PLCH2: variants seen among roughly 807,000 people sequenced by gnomAD.
The protein encoded by PLCH2 is phospholipase C eta 2.
Under a neutral mutation model 134.7 loss-of-function variants are expected in PLCH2, and 98 were observed. The observed-to-expected ratio is 0.73, with a 90% CI of 0.62 to 0.86. The LOEUF (loss-of-function observed/expected upper bound fraction) is 0.86, where lower values mean the gene tolerates loss of function less well. Among genes scored for constraint, PLCH2 ranks in the 40% least tolerant of loss-of-function variants. The probability of loss-of-function intolerance (pLI) is 0.00; values close to 1 mark genes in which losing one functional copy is unlikely to be tolerated. For missense variants in PLCH2, 1,994 were observed against 1,986.6 expected (o/e 1.00, Z -0.07); for synonymous variants, 974 against 827.5 (o/e 1.18, Z -3.04).
rs747385564 is a variant in PLCH2, at chr1:2,479,878, G to C, written c.416G>C (p.Ser139Thr). 1.2e-6 allele frequency: 2 copies of C among 1,611,874 alleles called. No homozygotes were observed. The highest frequency in any genetic ancestry group is 4.5e-5 in the East Asian group (2 of 44,872). The change falls in exon 3 of 22, where the codon AGC becomes ACC. Residue 139 changes from serine to threonine, a missense_variant. Around this residue, in one of 2 missense-constraint regions of PLCH2, gnomAD observed 1,094 missense variants for 1,234.3 expected, o/e 0.89. Transcript: ENST00000378486. ...HRESLDLVST[S>T]SEVARTWVTG... ...GAGTCGCTGGACCTGGTCTCCACCA[G>C]CAGCGAGGTGGCGCGCACCTGGGTC...
chr1:2,505,294 C>A lies in PLCH2; in HGVS notation c.*81C>A. 1 of 1,131,888 alleles carries A rather than the reference C, an allele frequency of 8.8e-7. No individual in the cohort carries two copies. Among genetic ancestry groups the A allele is most frequent in the Non-Finnish European group, 1.2e-6 (1 of 807,638 alleles). The allele number at this position is 1,131,888 out of a possible 1,614,324, so 70.1% of individuals were successfully genotyped here. Reference sequence around the variant, plus strand: ...TTGTTTGCTCAGGAAACAGGGCAGCCAGGCCCCCAAAACTGTGTCCCCCTG... The same window carrying A: ...TTGTTTGCTCAGGAAACAGGGCAGCAAGGCCCCCAAAACTGTGTCCCCCTG... On this transcript the variant is annotated 3_prime_UTR_variant, in exon 22 of 22. Transcript: ENST00000378486.
intron 19 of PLCH2, 147 bp downstream of exon 19, chr1:2,499,377 G>C (rs1643084527): frequency 3.7e-6 from 4 of 1,068,432 alleles, no homozygotes; most frequent in African/African-American, 1.6e-5. Context: ...AGGAGAGCCA[G>C]CCTGGGGATC....
chr1:2,489,457 G>GGGGCATCATGCCATCCAT (rs1405211053), intron 9 of PLCH2, 79 bp downstream of exon 9: 1 of 1,466,036 alleles, frequency 6.8e-7, no homozygotes, highest in African/African-American at 1.4e-5. Context: ...CAGACAGGCA[G>GGGGCATCATGCCATCCAT]GGGCATCATG....
intron 2 of PLCH2, among the ~76,000 whole-genome samples, chr1:2,450,315 C>T (rs1288206475): frequency 7.9e-5 from 12 of 152,130 alleles, no homozygotes; most frequent in Admixed American, 1.3e-4. Flanking sequence ...CACAGGCGGC[C>T]GGTCCTCTGG....
At chr1:2,453,238 C>T (rs576453287) in intron 2 of PLCH2, among the ~76,000 whole-genome samples, 14 of 152,278 alleles carry the variant, frequency 9.2e-5, no homozygotes, top group African/African-American at 2.6e-4. Flanking sequence ...CCACTGTGCT[C>T]GAGATGTGGT....
chr1:2,419,320 C>T, the PLCH2 span, among the ~76,000 whole-genome samples: 1 of 152,250 alleles, frequency 6.6e-6, no homozygotes, highest in African/African-American at 2.4e-5. Flanking sequence ...TCCCTCAGCA[C>T]CCCTGGCTCA....
At position 2,504,062 on chromosome 1, in the gene PLCH2, C is replaced by A. The variant is rs767479649; in HGVS notation, c.3100C>A (p.Pro1034Thr). The A allele has an allele frequency of 9.4e-5, 145 of 1,548,340 alleles. No homozygotes were observed. Among genetic ancestry groups the A allele is most frequent in the Non-Finnish European group, 1.2e-4 (133 of 1,146,300 alleles). ...TSSSQGRPPY[P>T]TGPGANVASP... ...CTCTTCTCAGGGACGGCCCCCATACCCCACAGGACCCGGAGCCAATGTGGC... is the reference window on the plus strand; with the variant it reads ...CTCTTCTCAGGGACGGCCCCCATACACCACAGGACCCGGAGCCAATGTGGC... The change falls in exon 22 of 22, where the codon CCC (proline) becomes ACC (threonine). Residue 1034 changes from proline to threonine, a missense_variant. Physicochemically the swap from Pro to Thr is conservative, Grantham distance 38. Around this residue, in one of 2 missense-constraint regions of PLCH2, gnomAD observed 900 missense variants for 752.3 expected, o/e 1.20. Coordinates refer to ENST00000378486, the MANE Select transcript of PLCH2 (RefSeq NM_014638.4).
chr1:2,490,439 G>A (rs1055425029), intron 10 of PLCH2, among the ~76,000 whole-genome samples: 11 of 152,198 alleles, frequency 7.2e-5, no homozygotes, highest in African/African-American at 2.7e-4. Context: ...AGGGTGGGGG[G>A]CTGCAGAGAT....
chr1:2,496,606 G>A lies in PLCH2; in HGVS notation c.1836-1G>A. On this transcript the variant is annotated splice_acceptor_variant, in intron 13 of 21. Transcript: ENST00000378486. LOFTEE classifies it high-confidence loss of function. ...GTTCTGACCCCCTGCACCTGCCACA[G>A]GGCGACCCGGCAGAAGAAGACCATG... 1 of 1,609,362 alleles carries A rather than the reference G, an allele frequency of 6.2e-7. No individual in the cohort carries two copies. Among genetic ancestry groups the A allele is most frequent in the Non-Finnish European group, 8.5e-7 (1 of 1,178,380 alleles).
At position 2,498,872 on chromosome 1, in the gene PLCH2, G is replaced by GA; in HGVS notation, c.2434+45dup. On this transcript the variant is annotated intron_variant, in intron 18 of 21. Coordinates refer to ENST00000378486, the MANE Select transcript of PLCH2 (RefSeq NM_014638.4). The surrounding 1 kb of genome is among the most constrained non-coding windows in gnomAD (Gnocchi z 5.4). ...TCCGTCACACCTGTGATGGAAGTCT[G>GA]AGGGGGGAGGGTTGGGGCTACCTGG... 1 of 1,503,460 alleles carries GA rather than the reference G, an allele frequency of 6.7e-7. No homozygotes were observed. The highest frequency in any genetic ancestry group is 9.2e-7 in the Non-Finnish European group (1 of 1,091,772). The allele number at this position is 1,503,460 out of a possible 1,614,324, so 93.1% of individuals were successfully genotyped here. A position where few individuals can be genotyped will look rare whatever the true frequency, so the allele number is the denominator to read the frequency against.
At chr1:2,468,971 C>G (rs979710126) in intron 1 of PLCH2, among the ~76,000 whole-genome samples, 1 of 152,176 alleles carries the variant, frequency 6.6e-6, no homozygotes, top group African/African-American at 2.4e-5. Context: ...CTGTCCCACC[C>G]CCAGTGGAGG....
upstream of PLCH2, among the ~76,000 whole-genome samples, chr1:2,474,119 G>A (rs1641485404): frequency 6.6e-6 from 1 of 152,188 alleles, no homozygotes. Context: ...TGCAGGCTGT[G>A]GGGCTGGGCT....
At chr1:2,503,458 C>T in intron 21 of PLCH2, 1 of 606,184 alleles carries the variant, frequency 1.6e-6, no homozygotes, top group Non-Finnish European at 2.9e-6. Flanking sequence ...TTCCCTGGGC[C>T]CCAGGGCTTC....
rs772122004 is a variant in PLCH2, at chr1:2,476,577, TGTC to T, written c.-8_-6del. The T allele has an allele frequency of 3.3e-6, 5 of 1,507,768 alleles. No homozygotes were observed. Among genetic ancestry groups the T allele is most frequent in the Admixed American group, 4.7e-5 (2 of 42,394 alleles). 93.4% of individuals were successfully genotyped at this position (1,507,768 alleles called of 1,614,324 possible). ...GTGGCCTCCGTGAAGCAGGCCCGGC[TGTC>T]GTCAGGCCATGTCTGGTCCATGGCC... On this transcript the variant is annotated 5_prime_UTR_variant, in exon 1 of 22. Coordinates refer to ENST00000378486, the MANE Select transcript of PLCH2 (RefSeq NM_014638.4).
At chr1:2,454,695 A>AG (rs1270822847) in intron 2 of PLCH2, among the ~76,000 whole-genome samples, 3 of 152,124 alleles carry the variant, frequency 2.0e-5, no homozygotes, top group Middle Eastern at 3.2e-3. Flanking sequence ...AGGGGCCCCC[A>AG]GGGTCTGGGA....
At position 2,491,292 on chromosome 1, in the gene PLCH2, TCTC is replaced by T. The variant is rs1305508677; in HGVS notation, c.1618_1620del (p.Ser540del). The T allele has an allele frequency of 1.9e-6, 3 of 1,613,038 alleles. No individual in the cohort carries two copies. In the African/African-American group the frequency reaches 4.0e-5, roughly 22 times the overall value. On this transcript the variant is annotated inframe_deletion, in exon 11 of 22. Transcript: ENST00000378486. ...CGGGACTGTGAGGACCCCAACAACT[TCTC>T]CGTCTCCACACTGTCCCCATCTGGA... is the stretch of plus-strand genomic sequence containing the variant.
At chr1:2,499,970 C>A in intron 20 of PLCH2, 1 of 586,058 alleles carries the variant, frequency 1.7e-6, no homozygotes. Flanking sequence ...CCTGAGTGCT[C>A]CGGGCCTTGC....
chr1:2,427,819 G>A (rs185940359), intron 1 of PLCH2, among the ~76,000 whole-genome samples: 26 of 152,200 alleles, frequency 1.7e-4, no homozygotes, highest in Admixed American at 4.6e-4. Context: ...TCCGGGGGTG[G>A]GAGCCCTCCA....
In PLCH2 at chr1:2,483,855, GGGGTGGCGCTGACCCCCGTGT is replaced by G. The variant is rs1558005038; in HGVS notation, c.646-579_646-559del. On this transcript the variant is annotated intron_variant, in intron 4 of 21. Coordinates refer to ENST00000378486, the MANE Select transcript of PLCH2 (RefSeq NM_014638.4). Reference sequence around the variant, plus strand: ...GTGGGGGTGGCGCTGACCCCCGTGTGGGGTGGCGCTGACCCCCGTGTGGGTGGCGCTGACTCCCGTGTGGGG... The same window carrying G: ...GTGGGGGTGGCGCTGACCCCCGTGTGGGGTGGCGCTGACTCCCGTGTGGGG... 2.2e-3 allele frequency among the ~76,000 whole-genome samples: 62 copies of G among 28,712 alleles called. 14 individuals are homozygous for G. The highest frequency in any genetic ancestry group is 4.6e-3 in the East Asian group (2 of 434). The allele number at this position is 28,712 out of a possible 152,430, so 18.8% of individuals were successfully genotyped here.
Sources: allele counts gnomAD v4.1 joint callset (sites outside exome capture counted in the v4.1 genomes callset), GRCh38; gene constraint gnomAD v4.1.1; regional missense constraint gnomAD v4.1.1; non-coding constraint Gnocchi (gnomAD v3.1); transcripts MANE v1.5; gene names NCBI Gene and HGNC (gene_info 2026-07-23, HGNC 2026-07-21).